Variants in TREH observed in about 807,000 individuals in gnomAD.
TREH encodes the protein trehalase.
TREH carries 69 observed loss-of-function variants against 80.5 expected under a neutral mutation model. The observed-to-expected ratio is 0.86, with a 90% CI of 0.71 to 1.05. The LOEUF is 1.05. Among genes scored for constraint, TREH ranks in the 50% least tolerant of loss-of-function variants. The pLI, the probability that TREH is intolerant of heterozygous loss-of-function variation, is 0.00. For missense variants in TREH, 716 were observed against 718.8 expected (o/e 1.00, Z 0.04); for synonymous variants, 309 against 293.5 (o/e 1.05, Z -0.54).
intron 1 of TREH, among the ~76,000 whole-genome samples, chr11:118,668,430 G>T (rs530755928): frequency 6.6e-6 from 1 of 151,732 alleles, no homozygotes; most frequent in East Asian, 1.9e-4. Flanking sequence ...AATTAGCTGG[G>T]CGTGGTGGCA....
intron 1 of TREH, among the ~76,000 whole-genome samples, chr11:118,665,992 C>T (rs1247319379): frequency 6.6e-6 from 1 of 152,212 alleles, no homozygotes; most frequent in Admixed American, 6.5e-5. Context: ...AATCCCAGCA[C>T]TTTGGAAGGC....
chr11:118,659,503 C>A, intron 11 of TREH, 22 bp from the exon 12 acceptor site: 1 of 1,540,376 alleles, frequency 6.5e-7, no homozygotes, highest in African/African-American at 1.4e-5. Context: ...CAGACATTCC[C>A]ATGACTGTGG....
intron 1 of TREH, among the ~76,000 whole-genome samples, chr11:118,664,352 A>T (rs1949357090): frequency 6.6e-6 from 1 of 152,220 alleles, no homozygotes; most frequent in Non-Finnish European, 1.5e-5. Context: ...TTTTCCTTGC[A>T]GTGATAGAAG....
chr11:118,657,962 C>G lies in TREH; in HGVS notation c.*327G>C. The stretch of plus-strand genomic sequence containing the variant: ...AGCATTGAGCCCTTGGTTGCCTGGG[C>G]CCAGGCTGGGGGTTTTCAGTATTTG... On this transcript the variant is annotated 3_prime_UTR_variant, in exon 15 of 15. Coordinates refer to ENST00000264029, the MANE Select transcript of TREH (RefSeq NM_007180.3). 2 of 282,066 alleles carry G rather than the reference C, an allele frequency of 7.1e-6. No homozygotes were observed. Among genetic ancestry groups the G allele is most frequent in the South Asian group, 1.5e-4 (2 of 13,432 alleles). 17.5% of individuals were successfully genotyped at this position (282,066 alleles called of 1,614,324 possible).
chr11:118,659,640 G>A (rs1427701053), intron 11 of TREH, 107 bp downstream of exon 11: 20 of 1,423,138 alleles, frequency 1.4e-5, no homozygotes, highest in African/African-American at 7.1e-5. Flanking sequence ...CGCAGGCTGG[G>A]ACAAGGGGCA....
At chr11:118,679,176 A>G (rs1230943077) in intron 1 of TREH, among the ~76,000 whole-genome samples, 4 of 152,068 alleles carry the variant, frequency 2.6e-5, no homozygotes, top group Non-Finnish European at 5.9e-5. Flanking sequence ...AAATTTTGGT[A>G]AAAATCAATG....
chr11:118,673,945 C>T (rs181386742), intron 1 of TREH, among the ~76,000 whole-genome samples: 1 of 152,298 alleles, frequency 6.6e-6, no homozygotes, highest in African/African-American at 2.4e-5. Flanking sequence ...GGGCACTGTC[C>T]AATTGGCAAT....
At chr11:118,663,269 T>C in intron 2 of TREH, 70 bp downstream of exon 2, 2 of 1,564,122 alleles carry the variant, frequency 1.3e-6, no homozygotes, top group Non-Finnish European at 1.7e-6. Flanking sequence ...GCCTCTCTAC[T>C]TGGTCTTGCC....
At chr11:118,660,989 C>A in intron 8 of TREH, 74 bp from the exon 9 acceptor site, 2 of 1,544,662 alleles carry the variant, frequency 1.3e-6, no homozygotes, top group Non-Finnish European at 8.8e-7. Flanking sequence ...AGAGGCTGAG[C>A]CATCTTGATC....
In TREH at chr11:118,659,027, A is replaced by G; in HGVS notation, c.1433-10T>C. The G allele has an allele frequency of 6.2e-7, 1 of 1,613,106 alleles. No individual in the cohort carries two copies. The highest frequency in any genetic ancestry group is 8.5e-7 in the Non-Finnish European group (1 of 1,179,430). On this transcript the variant is annotated splice_polypyrimidine_tract_variant and intron_variant, in intron 12 of 14. Transcript: ENST00000264029. ...GGTGCCTTGGCCAGGCCTAGACCCCATTGCAGGCAGGACTCAACCTCCAGG... is the reference window on the plus strand; with the variant it reads ...GGTGCCTTGGCCAGGCCTAGACCCCGTTGCAGGCAGGACTCAACCTCCAGG...
At chr11:118,670,862 C>G (rs1046108881) in intron 1 of TREH, among the ~76,000 whole-genome samples, 1 of 152,196 alleles carries the variant, frequency 6.6e-6, no homozygotes, top group Non-Finnish European at 1.5e-5. Flanking sequence ...TTTCTCTGAT[C>G]TTCTTTCTAA....
intron 1 of TREH, among the ~76,000 whole-genome samples, chr11:118,676,394 G>A (rs1286869623): frequency 5.9e-5 from 9 of 152,178 alleles, no homozygotes; most frequent in Non-Finnish European, 1.2e-4. Context: ...GATCACCTAA[G>A]CCCAGAGAGA....
chr11:118,662,605 G>A, intron 4 of TREH: 1 of 471,530 alleles, frequency 2.1e-6, no homozygotes, highest in East Asian at 4.1e-5. Context: ...TGGTGCCAGA[G>A]GCAGTGCTGG....
rs782354465 is a variant in TREH, at chr11:118,658,984, TC to T, written c.1465del (p.Glu489LysfsTer56). The T allele has an allele frequency of 6.2e-7, 1 of 1,613,828 alleles. No homozygotes were observed. Among genetic ancestry groups the T allele is most frequent in the Admixed American group, 1.7e-5 (1 of 60,018 alleles). On this transcript the variant is annotated frameshift_variant, in exon 13 of 15. Coordinates refer to ENST00000264029, the MANE Select transcript of TREH (RefSeq NM_007180.3). LOFTEE classifies it high-confidence loss of function. ...LAKAPLRRAQEVAFQLAQNWI... is the reference protein window; with the variant it reads ...LAKAPLRRAQXVAFQLAQNWI... ...ATTCTGAGCCAGCTGGAAAGCCACT[TC>T]CTGGGCCCGACGTAAAGGTGCCTTG...
intron 1 of TREH, among the ~76,000 whole-genome samples, chr11:118,668,561 C>CAAA (rs35085066): frequency 0.22 from 10,313 of 47,784 alleles, 3,753 homozygotes; most frequent in Admixed American, 0.32. Flanking sequence ...GACTCTGTCT[C>CAAA]AAAAAAAAAA....
chr11:118,666,654 T>C (rs1949380619), intron 1 of TREH, among the ~76,000 whole-genome samples: 1 of 152,234 alleles, frequency 6.6e-6, no homozygotes, highest in Non-Finnish European at 1.5e-5. Context: ...ACTACTCTTT[T>C]TGGGGCCTTT....
At chr11:118,671,544 TA>T (rs1258547700) in intron 1 of TREH, among the ~76,000 whole-genome samples, 1 of 151,768 alleles carries the variant, frequency 6.6e-6, no homozygotes, top group African/African-American at 2.4e-5. Context: ...ATCTAGAAAA[TA>T]CAATCAAAAT....
At chr11:118,667,010 G>A (rs1489846765) in intron 1 of TREH, among the ~76,000 whole-genome samples, 2 of 151,978 alleles carry the variant, frequency 1.3e-5, no homozygotes, top group African/African-American at 4.8e-5. Flanking sequence ...AGCCTCCCGA[G>A]TAGCTGGGAT....
chr11:118,671,126 T>A (rs1949426294), intron 1 of TREH, among the ~76,000 whole-genome samples: 1 of 152,210 alleles, frequency 6.6e-6, no homozygotes. Flanking sequence ...GTAAGCTATC[T>A]TGAGCAGTAG....
Sources: gnomAD v4.1 joint callset for allele counts (sites outside exome capture counted in the v4.1 genomes callset) on GRCh38, gnomAD v4.1.1 for gene constraint, MANE v1.5 for transcripts, NCBI Gene and HGNC (gene_info 2026-07-23, HGNC 2026-07-21) for gene names.